The following NAV2 variants were observed in gnomAD, a reference collection of about 807,000 sequenced individuals.
NAV2 encodes the protein neuron navigator 2.
Under a neutral mutation model 223.2 loss-of-function variants are expected in NAV2, and 54 were observed. The ratio of observed to expected loss-of-function variants is 0.24; its 90% CI spans 0.19 to 0.30. NAV2 has a LOEUF of 0.30. Ranked by LOEUF, NAV2 falls within the 10% of genes least tolerant of loss-of-function variation. NAV2 has a pLI of 1.00. For missense variants in NAV2, 2,806 were observed against 3,147.5 expected, an observed-to-expected ratio of 0.89 and a Z score of 2.60; for synonymous variants, 1,279 against 1,239.3, an observed-to-expected ratio of 1.03 and a Z score of -0.67.
chr11:19,506,861 G>A (rs1364408563), intron 1 of NAV2: 1 of 152,208 alleles, frequency 6.6e-6, no homozygotes, highest in African/African-American at 2.4e-5. Context: ...AAATGGACAT[G>A]TGGAGCCCCT....
chr11:19,896,994 C>T (rs2042036241), intron 6 of NAV2, among the ~76,000 whole-genome samples: 1 of 152,076 alleles, frequency 6.6e-6, no homozygotes, highest in South Asian at 2.1e-4. Context: ...AAATGTCCAA[C>T]AATGATAGAC....
chr11:19,771,311 T>C (rs55635049), intron 1 of NAV2, among the ~76,000 whole-genome samples: 11,170 of 152,116 alleles, frequency 0.073, 1,415 homozygotes, highest in African/African-American at 0.25. Context: ...GTAGAGGAGA[T>C]AGAAACAAAG....
At chr11:19,379,016 C>G (rs1450146913) in intron 1 of NAV2, among the ~76,000 whole-genome samples, 1 of 152,182 alleles carries the variant, frequency 6.6e-6, no homozygotes, top group Non-Finnish European at 1.5e-5. Context: ...TACTCAACCT[C>G]TCTTGAATCT....
At chr11:19,517,039 C>T (rs1045183441) in intron 1 of NAV2, among the ~76,000 whole-genome samples, 2 of 147,500 alleles carry the variant, frequency 1.4e-5, no homozygotes, top group Non-Finnish European at 3.0e-5. Context: ...GCAAGACCCT[C>T]TCTCTCCAAA....
At chr11:19,953,111 C>T (rs939070956) in intron 10 of NAV2, among the ~76,000 whole-genome samples, 1 of 152,146 alleles carries the variant, frequency 6.6e-6, no homozygotes, top group African/African-American at 2.4e-5. Context: ...AAGGGGCAGA[C>T]TCCACGTCCA....
At position 19,947,401 on chromosome 11, in the gene NAV2, G is replaced by A. The variant is rs569695205; in HGVS notation, c.2255+892G>A. On this transcript the variant is annotated intron_variant, in intron 9 of 37. Transcript: ENST00000349880. The stretch of plus-strand genomic sequence containing the variant: ...AGGAGAGTAAACTCGGGGGTTTGGG[G>A]GTGGTACCCTCTTAAACCTTTAGGT... 5.9e-5 allele frequency among the ~76,000 whole-genome samples: 9 copies of A among 152,330 alleles called. No individual in the cohort carries two copies. The South Asian group carries it at 1.5e-3, about 25-fold the overall frequency.
At chr11:20,067,014 C>T (rs566687836) in intron 20 of NAV2, among the ~76,000 whole-genome samples, 1 of 152,154 alleles carries the variant, frequency 6.6e-6, no homozygotes, top group South Asian at 2.1e-4. Flanking sequence ...TGGGCTCCCC[C>T]TGTGGGAGGA....
At chr11:20,074,235 G>A (rs113963574) in intron 22 of NAV2, among the ~76,000 whole-genome samples, 3 of 152,280 alleles carry the variant, frequency 2.0e-5, no homozygotes, top group South Asian at 2.1e-4. Flanking sequence ...CCATGTAGTT[G>A]TGTGGTTTTG....
In NAV2 at chr11:20,118,764, G is replaced by A. The variant is rs905041627; in HGVS notation, c.*506G>A. ...GTGCCACCCACCCTCCCACACAGCC[G>A]GCCACAGGGAGAACTGGTGCTAACC... On this transcript the variant is annotated 3_prime_UTR_variant, in exon 38 of 38. Transcript: ENST00000349880. 1.7e-5 allele frequency: 3 copies of A among 172,898 alleles called. 1 individual carries two copies. The highest frequency in any genetic ancestry group is 2.5e-5 in the Non-Finnish European group (2 of 81,580). 10.7% of individuals were successfully genotyped at this position (172,898 alleles called of 1,614,324 possible).
chr11:19,479,284 T>TC (rs1362620691), intron 1 of NAV2, among the ~76,000 whole-genome samples: 1 of 152,068 alleles, frequency 6.6e-6, no homozygotes, highest in African/African-American at 2.4e-5. Flanking sequence ...GAGCTAGTTT[T>TC]CCCCCTCCTC....
At chr11:19,761,241 C>A (rs2054712583) in intron 1 of NAV2, among the ~76,000 whole-genome samples, 1 of 152,106 alleles carries the variant, frequency 6.6e-6, no homozygotes, top group South Asian at 2.1e-4. Flanking sequence ...AAGTACCTAC[C>A]ATGTACCAGG....
chr11:19,970,213 G>T (rs536476945), intron 10 of NAV2, among the ~76,000 whole-genome samples: 2 of 152,224 alleles, frequency 1.3e-5, no homozygotes, highest in Admixed American at 1.3e-4. Context: ...CTGTTGCCCA[G>T]GGTGGAGTGC....
chr11:20,103,466 G>A (rs959157688), intron 33 of NAV2, 57 bp downstream of exon 33: 99 of 1,583,030 alleles, frequency 6.3e-5, no homozygotes, highest in African/African-American at 2.0e-4. Context: ...CCAGCTGATG[G>A]GGCACTGTGC....
intron 1 of NAV2, among the ~76,000 whole-genome samples, chr11:19,488,812 C>T (rs751498112): frequency 3.3e-5 from 5 of 152,126 alleles, no homozygotes; most frequent in Admixed American, 6.5e-5. Flanking sequence ...CAGGTGTGGC[C>T]ATTTATTGAG....
chr11:19,488,301 A>G (rs1367964615), intron 1 of NAV2, among the ~76,000 whole-genome samples: 1 of 152,258 alleles, frequency 6.6e-6, no homozygotes, highest in Non-Finnish European at 1.5e-5. Flanking sequence ...GTGATGTTAT[A>G]ACTAGCTTTA....
chr11:19,730,352 G>T (rs2152413252), intron 1 of NAV2, among the ~76,000 whole-genome samples: 1 of 152,300 alleles, frequency 6.6e-6, no homozygotes, highest in Admixed American at 6.5e-5. Context: ...ACCCACACAG[G>T]CGAAGGTTTT....
intron 1 of NAV2, among the ~76,000 whole-genome samples, chr11:19,803,284 G>A (rs547456881): frequency 2.4e-4 from 36 of 152,296 alleles, no homozygotes; most frequent in African/African-American, 7.0e-4. Flanking sequence ...CACACAGAGC[G>A]CATCAGCTTT....
intron 20 of NAV2, among the ~76,000 whole-genome samples, chr11:20,063,363 G>A (rs2058826179): frequency 7.2e-6 from 1 of 139,166 alleles, no homozygotes; most frequent in African/African-American, 2.5e-5. Flanking sequence ...ACTTTTTATA[G>A]CTGTACACTA....
intron 1 of NAV2, among the ~76,000 whole-genome samples, chr11:19,497,518 T>C (rs996790557): frequency 2.6e-5 from 4 of 152,148 alleles, no homozygotes; most frequent in African/African-American, 9.7e-5. Context: ...TGCTATTCCT[T>C]GGCTTTTCAT....
Sources: gnomAD v4.1 joint callset for allele counts (sites outside exome capture counted in the v4.1 genomes callset) on GRCh38, gnomAD v4.1.1 for gene constraint, MANE v1.5 for transcripts, NCBI Gene and HGNC (gene_info 2026-07-23, HGNC 2026-07-21) for gene names.